SLC9A9: variants seen among roughly 807,000 people sequenced by gnomAD.
SLC9A9 encodes solute carrier family 9 member A9.
In SLC9A9, 62 loss-of-function variants were observed where a neutral mutation model predicts 77.8. The observed-to-expected ratio is 0.80, with a 90% CI of 0.65 to 0.98. The LOEUF is 0.98. SLC9A9 is among the 50% of genes least tolerant of loss of function. The pLI, the probability that SLC9A9 is intolerant of heterozygous loss-of-function variation, is 0.00. For missense variants in SLC9A9, 775 were observed against 774.9 expected, an observed-to-expected ratio of 1.00 and a Z score of 0.00; for synonymous variants, 320 against 283.5, an observed-to-expected ratio of 1.13 and a Z score of -1.29.
intron 14 of SLC9A9, among the ~76,000 whole-genome samples, chr3:143,335,696 C>T (rs1315449703): frequency 6.6e-6 from 1 of 152,052 alleles, no homozygotes; most frequent in Non-Finnish European, 1.5e-5. Context: ...TGTTGGAAAA[C>T]TGAATATCCA....
At position 143,548,671 on chromosome 3, in the gene SLC9A9, T is replaced by C. The variant is rs183635377; in HGVS notation, c.1089+3691A>G. On this transcript the variant is annotated intron_variant, in intron 9 of 15. Coordinates refer to ENST00000316549, the MANE Select transcript of SLC9A9 (RefSeq NM_173653.4). ...ATAGTGCCTCTGTCATACTGCTTTTTGCCTAACACATAGCGATGTTACATG... is the reference window on the plus strand; with the variant it reads ...ATAGTGCCTCTGTCATACTGCTTTTCGCCTAACACATAGCGATGTTACATG... Among the ~76,000 whole-genome samples the C allele has an allele frequency of 2.4e-3, 367 of 152,368 alleles. 2 individuals are homozygous for C. The highest frequency in any genetic ancestry group is 3.5e-3 in the Non-Finnish European group (235 of 68,042).
At chr3:143,353,816 A>T (rs1170337724) in intron 14 of SLC9A9, among the ~76,000 whole-genome samples, 2 of 152,170 alleles carry the variant, frequency 1.3e-5, no homozygotes, top group African/African-American at 4.8e-5. Flanking sequence ...ATAATTGAAT[A>T]AAATATAATA....
intron 5 of SLC9A9, among the ~76,000 whole-genome samples, chr3:143,664,021 G>A (rs934093791): frequency 1.3e-5 from 2 of 151,942 alleles, no homozygotes; most frequent in South Asian, 2.1e-4. Context: ...CCCGAGACAC[G>A]TAATTGTCAG....
chr3:143,845,287 T>C (rs1244324881), intron 1 of SLC9A9, among the ~76,000 whole-genome samples: 10 of 152,196 alleles, frequency 6.6e-5, no homozygotes, highest in Admixed American at 6.5e-4. Context: ...GATTCCAAGT[T>C]CATTTATAGC....
intron 4 of SLC9A9, among the ~76,000 whole-genome samples, chr3:143,726,574 A>T (rs934378256): frequency 6.6e-6 from 1 of 152,230 alleles, no homozygotes; most frequent in Non-Finnish European, 1.5e-5. Flanking sequence ...TATTCTGAAC[A>T]CAGTATGTGA....
intron 6 of SLC9A9, among the ~76,000 whole-genome samples, chr3:143,589,341 A>G (rs1392269944): frequency 6.6e-6 from 1 of 152,198 alleles, no homozygotes; most frequent in East Asian, 1.9e-4. Context: ...CCTTCCAATT[A>G]TCTAACAAAA....
At chr3:143,670,234 T>C (rs76501503) in intron 5 of SLC9A9, among the ~76,000 whole-genome samples, 24 of 152,332 alleles carry the variant, frequency 1.6e-4, no homozygotes, top group African/African-American at 5.8e-4. Flanking sequence ...TAAATTTCTA[T>C]GGGTCTCACT....
intron 4 of SLC9A9, among the ~76,000 whole-genome samples, chr3:143,712,383 A>T (rs1435492245): frequency 1.3e-5 from 2 of 152,234 alleles, no homozygotes; most frequent in African/African-American, 4.8e-5. Context: ...AATTAAGTTT[A>T]TTAAGCTATA....
At chr3:143,817,512 T>G (rs1200821068) in intron 2 of SLC9A9, among the ~76,000 whole-genome samples, 1 of 152,252 alleles carries the variant, frequency 6.6e-6, no homozygotes, top group Non-Finnish European at 1.5e-5. Context: ...CTTTTGGTGA[T>G]ATCTTTAAAA....
At chr3:143,380,229 G>A (rs73144749) in intron 13 of SLC9A9, among the ~76,000 whole-genome samples, 16,498 of 152,148 alleles carry the variant, frequency 0.11, 990 homozygotes, top group South Asian at 0.16. Context: ...GGTTATTACT[G>A]ATTTAACAAT....
intron 14 of SLC9A9, among the ~76,000 whole-genome samples, chr3:143,309,927 T>G (rs1016818600): frequency 6.6e-6 from 1 of 152,232 alleles, no homozygotes; most frequent in African/African-American, 2.4e-5. Context: ...CACCCTCGTC[T>G]ATGTTGCTGT....
chr3:143,488,471 C>A (rs978518076), intron 11 of SLC9A9, among the ~76,000 whole-genome samples: 1 of 151,922 alleles, frequency 6.6e-6, no homozygotes, highest in Non-Finnish European at 1.5e-5. Context: ...ACTGCTATTC[C>A]TTATGAACAT....
intron 12 of SLC9A9, among the ~76,000 whole-genome samples, chr3:143,442,493 G>A (rs147753665): frequency 7.9e-5 from 12 of 152,202 alleles, no homozygotes; most frequent in Admixed American, 2.6e-4. Context: ...AGGCTGAGGC[G>A]GGTAGATCAC....
intron 6 of SLC9A9, among the ~76,000 whole-genome samples, chr3:143,596,091 G>A (rs533098188): frequency 1.4e-3 from 220 of 152,270 alleles, no homozygotes; most frequent in Non-Finnish European, 2.4e-3. Context: ...TATGTCGTCT[G>A]AGTGATGAGA....
intron 1 of SLC9A9, among the ~76,000 whole-genome samples, chr3:143,835,968 A>G (rs544426741): frequency 6.6e-6 from 1 of 152,348 alleles, no homozygotes; most frequent in East Asian, 1.9e-4. Context: ...GTCTAGATGT[A>G]TCCCCTGCTT....
intron 13 of SLC9A9, 141 bp from the exon 14 acceptor site, chr3:143,363,704 G>T: frequency 2.9e-6 from 2 of 696,356 alleles, no homozygotes; most frequent in Non-Finnish European, 2.4e-6. Flanking sequence ...AAATGGTGAA[G>T]CAGTTTCCAG....
intron 4 of SLC9A9, among the ~76,000 whole-genome samples, chr3:143,714,214 C>T (rs762111187): frequency 1.6e-4 from 24 of 152,162 alleles, no homozygotes; most frequent in African/African-American, 3.4e-4. Context: ...ACATTTAACA[C>T]GAAGGATCCT....
chr3:143,732,362 G>C (rs954125912), intron 4 of SLC9A9, among the ~76,000 whole-genome samples: 2 of 152,066 alleles, frequency 1.3e-5, no homozygotes, highest in Admixed American at 6.5e-5. Context: ...TCTAATCATG[G>C]GTAAAGTAGA....
At chr3:143,285,774 AG>A (rs1938365290) in intron 14 of SLC9A9, among the ~76,000 whole-genome samples, 2 of 151,030 alleles carry the variant, frequency 1.3e-5, no homozygotes, top group African/African-American at 4.9e-5. Context: ...TATGGCGGGG[AG>A]GGGTTATTAG....
Sources: gnomAD v4.1 joint callset for allele counts (sites outside exome capture counted in the v4.1 genomes callset) on GRCh38, gnomAD v4.1.1 for gene constraint, MANE v1.5 for transcripts, NCBI Gene and HGNC (gene_info 2026-07-23, HGNC 2026-07-21) for gene names.